MBNL3: variants seen among roughly 807,000 people sequenced by gnomAD.
The protein encoded by MBNL3 is muscleblind like splicing regulator 3.
A neutral mutation model predicts 24.5 loss-of-function variants in MBNL3; 6 were observed. The observed-to-expected ratio is 0.25, with a 90% CI of 0.13 to 0.48. MBNL3 has a LOEUF of 0.48. Among genes scored for constraint, MBNL3 ranks in the 20% least tolerant of loss-of-function variants. The pLI is 0.99. For missense variants in MBNL3, 230 were observed against 293.5 expected (o/e 0.78, Z 1.58); for synonymous variants, 100 against 101.7 (o/e 0.98, Z 0.10).
At chrX:132,409,590 C>T (rs1942411173) in intron 2 of MBNL3, among the ~76,000 whole-genome samples, 2 of 111,505 alleles carry the variant, frequency 1.8e-5, no homozygotes, top group Non-Finnish European at 3.8e-5. Context: ...CCTCCTTCTT[C>T]CAATCTAGAC....
intron 2 of MBNL3, among the ~76,000 whole-genome samples, chrX:132,414,426 T>A (rs1398982279): frequency 8.9e-6 from 1 of 112,073 alleles, no homozygotes; most frequent in Non-Finnish European, 1.9e-5. Context: ...CTCTTAGAGA[T>A]CATTTAGTCC....
rs746622825 is a variant in MBNL3 at position 132,374,397 on chromosome X, C to T, written c.*5269G>A. 4.3e-4 allele frequency: 48 copies of T among 111,321 alleles called. No homozygotes were observed. The highest frequency in any genetic ancestry group is 1.5e-3 in the African/African-American group (45 of 30,685). 9.2% of individuals were successfully genotyped at this position (111,321 alleles called of 1,213,427 possible). ...CTTGTTAAAAGATGAAGTTATTCTA[C>T]TCTTGTTCAGTGCTGTTAGCTGAGG... On this transcript the variant is annotated 3_prime_UTR_variant, in exon 9 of 9. Transcript: ENST00000370853.
At chrX:132,386,043 T>C (rs1328351024) in intron 6 of MBNL3, among the ~76,000 whole-genome samples, 1 of 111,614 alleles carries the variant, frequency 9.0e-6, no homozygotes, top group Non-Finnish European at 1.9e-5. Context: ...ATTGAACAAA[T>C]TTCTGGCTTA....
At chrX:132,407,180 G>A (rs966999759) in intron 2 of MBNL3, among the ~76,000 whole-genome samples, 1 of 112,174 alleles carries the variant, frequency 8.9e-6, no homozygotes, top group Non-Finnish European at 1.9e-5. Flanking sequence ...CTTCTCCATT[G>A]TTTAGTTATG....
chrX:132,428,978 C>T (rs1487783525), intron 2 of MBNL3, among the ~76,000 whole-genome samples: 1 of 111,923 alleles, frequency 8.9e-6, no homozygotes, highest in East Asian at 2.8e-4. Context: ...TTTCAAATTT[C>T]CAATTTCCAA....
At chrX:132,461,788 T>C (rs1391355092) in intron 1 of MBNL3, among the ~76,000 whole-genome samples, 1 of 112,182 alleles carries the variant, frequency 8.9e-6, no homozygotes, top group Non-Finnish European at 1.9e-5. Context: ...GGGAATATGG[T>C]ATATCTAACA....
rs753194591 is a variant in MBNL3, at chrX:132,488,422, C to G, written c.-704+429G>C. On this transcript the variant is annotated intron_variant, in intron 1 of 8. Coordinates refer to ENST00000370853, the MANE Select transcript of MBNL3 (RefSeq NM_001386889.1). Reference sequence around the variant, plus strand: ...GTCTCCTAAAATCTACTCTCATGCCCTTCAAACCCCAGTAGTAAAAGCGAG... The same window carrying G: ...GTCTCCTAAAATCTACTCTCATGCCGTTCAAACCCCAGTAGTAAAAGCGAG... 1.3e-4 allele frequency among the ~76,000 whole-genome samples: 15 copies of G among 111,558 alleles called. No homozygotes were observed. The East Asian group carries it at 4.2e-3, about 32-fold the overall frequency.
At chrX:132,479,466 A>G (rs2148539462) in intron 1 of MBNL3, among the ~76,000 whole-genome samples, 1 of 112,292 alleles carries the variant, frequency 8.9e-6, no homozygotes. Flanking sequence ...AATTAAAATC[A>G]TATTTTGAAA....
chrX:132,448,441 A>G (rs1372571849), intron 1 of MBNL3, among the ~76,000 whole-genome samples: 1 of 111,821 alleles, frequency 8.9e-6, no homozygotes, highest in Non-Finnish European at 1.9e-5. Context: ...AGCGGTGTTT[A>G]TAGTATTCTC....
chrX:132,439,648 A>G lies in MBNL3; in HGVS notation c.-37T>C. On this transcript the variant is annotated 5_prime_UTR_variant, in exon 2 of 9. Transcript: ENST00000370853. ...AATTAAAATCCAATGTACCCTCTTT[A>G]GGACAATATTACTGTGGACTATTAA... 1 of 1,159,352 alleles carries G rather than the reference A, an allele frequency of 8.6e-7. No homozygotes were observed. Among genetic ancestry groups the G allele is most frequent in the East Asian group, 3.1e-5 (1 of 32,575 alleles).
chrX:132,462,532 A>G (rs1483713130), intron 1 of MBNL3, among the ~76,000 whole-genome samples: 1 of 112,149 alleles, frequency 8.9e-6, no homozygotes, highest in Non-Finnish European at 1.9e-5. Flanking sequence ...AGTTAGAATG[A>G]GTGACAAGCT....
chrX:132,369,944 T>G lies in MBNL3; in HGVS notation c.*9722A>C, dbSNP rs970910132. On this transcript the variant is annotated 3_prime_UTR_variant, in exon 9 of 9. Transcript: ENST00000370853. ...TGTATACTAATTTCTGCATCCACTT[T>G]AGAATGCTGTGCTTTTGCTTTGGAC... 8.9e-6 allele frequency: 1 copy of G among 112,009 alleles called. No individual in the cohort carries two copies. Among genetic ancestry groups the G allele is most frequent in the Non-Finnish European group, 1.9e-5 (1 of 53,242 alleles). The allele number at this position is 112,009 out of a possible 1,213,427, so 9.2% of individuals were successfully genotyped here. A position where few individuals can be genotyped will look rare whatever the true frequency, so the allele number is the denominator to read the frequency against.
At chrX:132,437,885 A>G (rs1844759704) in intron 2 of MBNL3, 3 of 612,157 alleles carry the variant, frequency 4.9e-6, no homozygotes, top group Non-Finnish European at 5.9e-6. Flanking sequence ...GAGATTTTCA[A>G]TGGTAGGAAT....
intron 1 of MBNL3, among the ~76,000 whole-genome samples, chrX:132,482,418 C>T (rs1388193496): frequency 8.9e-6 from 1 of 111,734 alleles, no homozygotes; most frequent in Non-Finnish European, 1.9e-5. Context: ...TCTAGTCAAT[C>T]CACAGGCTTT....
chrX:132,430,344 A>G (rs925994982), intron 2 of MBNL3: 2 of 111,477 alleles, frequency 1.8e-5, no homozygotes, highest in African/African-American at 6.5e-5. Flanking sequence ...AATTACCAAA[A>G]CCAGGAAATT....
chrX:132,435,324 T>G (rs1207502887), intron 2 of MBNL3, among the ~76,000 whole-genome samples: 1 of 111,871 alleles, frequency 8.9e-6, no homozygotes, highest in African/African-American at 3.2e-5. Flanking sequence ...TTATTTTCCT[T>G]GACTCTCAAG....
intron 1 of MBNL3, among the ~76,000 whole-genome samples, chrX:132,443,015 G>T (rs141354372): frequency 7.5e-4 from 84 of 112,110 alleles, no homozygotes; most frequent in African/African-American, 2.7e-3. Flanking sequence ...TTGTTTTGGG[G>T]ATAATACAGC....
chrX:132,428,144 A>T (rs1013182348), intron 2 of MBNL3, among the ~76,000 whole-genome samples: 31 of 111,747 alleles, frequency 2.8e-4, no homozygotes, highest in Admixed American at 1.4e-3. Flanking sequence ...TATAGCTGCA[A>T]AACTGTTTCT....
Position 132,439,431 on chromosome X carries a change from T to C in MBNL3, c.177+4A>G. ...TAAATTATGTGCATTCAGATGGGAC[T>C]CACCTTTAGAGAATCAAAACAGGCC... On this transcript the variant is annotated splice_donor_region_variant and intron_variant, in intron 2 of 8. Coordinates refer to ENST00000370853, the MANE Select transcript of MBNL3 (RefSeq NM_001386889.1). 4 of 1,167,754 alleles carry C rather than the reference T, an allele frequency of 3.4e-6. No homozygotes were observed. Among genetic ancestry groups the C allele is most frequent in the Non-Finnish European group, 4.6e-6 (4 of 875,484 alleles).
Sources: gnomAD v4.1 joint callset for allele counts (sites outside exome capture counted in the v4.1 genomes callset) on GRCh38, gnomAD v4.1.1 for gene constraint, MANE v1.5 for transcripts, NCBI Gene and HGNC (gene_info 2026-07-23, HGNC 2026-07-21) for gene names.